KANSL1: variants seen among roughly 807,000 people sequenced by gnomAD.
The protein encoded by KANSL1 is MLL1/MLL complex subunit KANSL1.
Under a neutral mutation model 103.6 loss-of-function variants are expected in KANSL1, and 22 were observed. The observed-to-expected ratio is 0.21, with a 90% CI of 0.15 to 0.30. The LOEUF (loss-of-function observed/expected upper bound fraction) is 0.30. KANSL1 is among the 10% of genes least tolerant of loss of function. The probability of loss-of-function intolerance (pLI) is 1.00; values close to 1 mark genes in which losing one functional copy is unlikely to be tolerated. For synonymous variants in KANSL1, 600 were observed against 527.6 expected (o/e 1.14, Z -1.88); for missense variants, 1,337 against 1,399.8 (o/e 0.96, Z 0.72).
intron 1 of KANSL1, among the ~76,000 whole-genome samples, chr17:46,178,740 C>T (rs1176551266): frequency 6.6e-6 from 1 of 152,196 alleles, no homozygotes; most frequent in South Asian, 2.1e-4. Flanking sequence ...AGACTCACAA[C>T]GTATTGCATC....
At chr17:46,183,278 AT>A (rs68180932) in intron 1 of KANSL1, among the ~76,000 whole-genome samples, 21,945 of 148,970 alleles carry the variant, frequency 0.15, 2,147 homozygotes, top group Non-Finnish European at 0.22. Context: ...AAAAACACTA[AT>A]TTTTTTTTTT....
At chr17:46,195,036 CTTTA>C (rs1268804200), upstream of KANSL1, among the ~76,000 whole-genome samples, 17 of 152,182 alleles carry the variant, frequency 1.1e-4, no homozygotes, top group Non-Finnish European at 2.4e-4. Flanking sequence ...CAAAAGAGGT[CTTTA>C]GTCTTGGATT....
intron 1 of KANSL1, among the ~76,000 whole-genome samples, chr17:46,200,696 C>T (rs966000010): frequency 6.6e-6 from 1 of 152,148 alleles, no homozygotes; most frequent in African/African-American, 2.4e-5. Context: ...GAGCGGAGAT[C>T]ACGCCAGTGC....
intron 1 of KANSL1, chr17:46,223,550 G>GAGGCAAGAGAAATGGC (rs2048595223): frequency 6.7e-6 from 1 of 149,428 alleles, no homozygotes; most frequent in South Asian, 2.1e-4. Context: ...GCAAACACAA[G>GAGGCAAGAGAAATGGC]AGGCAAGAGA....
chr17:46,201,719 A>AT (rs1277431607), intron 1 of KANSL1, among the ~76,000 whole-genome samples: 38 of 151,972 alleles, frequency 2.5e-4, no homozygotes, highest in South Asian at 6.2e-4. Flanking sequence ...AAAAAAAAAA[A>AT]AAATTAAGTC....
intron 4 of KANSL1, among the ~76,000 whole-genome samples, chr17:46,071,817 A>G (rs1168102081): frequency 1.3e-5 from 2 of 151,720 alleles, no homozygotes; most frequent in African/African-American, 4.8e-5. Flanking sequence ...AGATGAACTC[A>G]GGGTTTATGC....
chr17:46,036,562 G>C (rs1224293244), intron 10 of KANSL1, among the ~76,000 whole-genome samples: 1 of 152,064 alleles, frequency 6.6e-6, no homozygotes, highest in Admixed American at 6.5e-5. Context: ...AAAGTATATG[G>C]GATTTAAAGC....
rs950545981 is a variant in KANSL1, at chr17:46,031,189, G to T, written c.*287C>A. On this transcript the variant is annotated 3_prime_UTR_variant, in exon 15 of 15. Transcript: ENST00000432791. The stretch of plus-strand genomic sequence containing the variant: ...GTCATCTAAGATCAGTAAGTCCAGT[G>T]ATTCAACAGTGCAGAGGATGTGCCA... 1.2e-4 allele frequency: 63 copies of T among 509,230 alleles called. No homozygotes were observed. Among genetic ancestry groups the T allele is most frequent in the African/African-American group, 1.1e-3 (58 of 52,562 alleles). The allele number at this position is 509,230 out of a possible 1,614,324, so 31.5% of individuals were successfully genotyped here. A position where few individuals can be genotyped will look rare whatever the true frequency, so the allele number is the denominator to read the frequency against.
At chr17:46,051,994 T>G (rs2077726881) in intron 6 of KANSL1, among the ~76,000 whole-genome samples, 1 of 152,146 alleles carries the variant, frequency 6.6e-6, no homozygotes, top group Non-Finnish European at 1.5e-5. Context: ...CTAGGCATGC[T>G]ACTTTTGTGT....
chr17:46,073,553 GTTGA>G (rs2078652883), intron 4 of KANSL1, among the ~76,000 whole-genome samples: 1 of 152,112 alleles, frequency 6.6e-6, no homozygotes, highest in Non-Finnish European at 1.5e-5. Flanking sequence ...CCTACAGGAC[GTTGA>G]GTGAGAAAAG....
At chr17:46,075,936 T>TA (rs2078750315) in intron 4 of KANSL1, among the ~76,000 whole-genome samples, 1 of 152,136 alleles carries the variant, frequency 6.6e-6, no homozygotes, top group African/African-American at 2.4e-5. Flanking sequence ...AAACTACCTT[T>TA]ACTGACTCCC....
intron 2 of KANSL1, among the ~76,000 whole-genome samples, chr17:46,145,728 C>T (rs1160371903): frequency 1.3e-5 from 2 of 152,188 alleles, no homozygotes; most frequent in African/African-American, 4.8e-5. Flanking sequence ...TCCATACTAG[C>T]TTTTCCTTGT....
chr17:46,085,464 A>G (rs1434021815), intron 3 of KANSL1, among the ~76,000 whole-genome samples: 1 of 152,094 alleles, frequency 6.6e-6, no homozygotes, highest in Non-Finnish European at 1.5e-5. Flanking sequence ...ATCTTATGCC[A>G]CATTATTTAT....
At chr17:46,116,073 A>C (rs1181595265) in intron 2 of KANSL1, among the ~76,000 whole-genome samples, 2 of 152,224 alleles carry the variant, frequency 1.3e-5, no homozygotes, top group African/African-American at 4.8e-5. Flanking sequence ...GCCTCTTATA[A>C]ATAAGTCAAC....
chr17:46,070,426 G>C (rs35381512), intron 4 of KANSL1, among the ~76,000 whole-genome samples: 1 of 152,056 alleles, frequency 6.6e-6, no homozygotes, highest in African/African-American at 2.4e-5. Context: ...TTACATTTTA[G>C]GTAATAGTTT....
chr17:46,102,255 T>C (rs2147025310), intron 2 of KANSL1, among the ~76,000 whole-genome samples: 1 of 151,882 alleles, frequency 6.6e-6, no homozygotes, highest in Admixed American at 6.5e-5. Flanking sequence ...CCAGAGCCAA[T>C]ACTTTTTTTT....
intron 2 of KANSL1, among the ~76,000 whole-genome samples, chr17:46,100,574 T>G (rs2042269636): frequency 6.6e-6 from 1 of 152,248 alleles, no homozygotes; most frequent in Non-Finnish European, 1.5e-5. Context: ...TTTTTAGTTC[T>G]TTAAAGTTAT....
chr17:46,208,839 C>CA (rs2048063399), intron 1 of KANSL1, among the ~76,000 whole-genome samples: 1 of 139,752 alleles, frequency 7.2e-6, no homozygotes, highest in African/African-American at 2.8e-5. Context: ...GGCGACACAG[C>CA]AAGACTCCGT....
At chr17:46,172,652 A>G (rs1402750681) in intron 1 of KANSL1, among the ~76,000 whole-genome samples, 1 of 152,276 alleles carries the variant, frequency 6.6e-6, no homozygotes, top group Non-Finnish European at 1.5e-5. Context: ...TCCCGTGTTC[A>G]CTAAAAAAAG....
Sources: gnomAD v4.1 joint callset for allele counts (sites outside exome capture counted in the v4.1 genomes callset) on GRCh38, gnomAD v4.1.1 for gene constraint, MANE v1.5 for transcripts, NCBI Gene and HGNC (gene_info 2026-07-23, HGNC 2026-07-21) for gene names.